SPICE1: variants seen among roughly 807,000 people sequenced by gnomAD.
SPICE1 encodes spindle and centriole-associated protein 1.
In SPICE1, 75 loss-of-function variants were observed where a neutral mutation model predicts 102.7. The observed-to-expected ratio is 0.73, with a 90% confidence interval of 0.61 to 0.88. The LOEUF (loss-of-function observed/expected upper bound fraction) is 0.88, where lower values mean the gene tolerates loss of function less well. Ranked by LOEUF, SPICE1 falls within the 40% of genes least tolerant of loss-of-function variation. The pLI, the probability that SPICE1 is intolerant of heterozygous loss-of-function variation, is 0.00. For synonymous variants in SPICE1, 308 were observed against 350.3 expected (o/e 0.88, Z 1.35); for missense variants, 979 against 1,020.1 (o/e 0.96, Z 0.55).
At chr3:113,490,420 T>C (rs923786040) in intron 6 of SPICE1, among the ~76,000 whole-genome samples, 2 of 151,998 alleles carry the variant, frequency 1.3e-5, no homozygotes, top group Non-Finnish European at 2.9e-5. Flanking sequence ...GGCAGGAGGA[T>C]CATGTGAGCC....
In SPICE1 at chr3:113,450,500, T is replaced by C. The variant is rs756298336; in HGVS notation, c.2159A>G (p.Gln720Arg). 1.0e-5 allele frequency: 16 copies of C among 1,600,048 alleles called. No homozygotes were observed. The highest frequency in any genetic ancestry group is 2.7e-5 in the African/African-American group (2 of 73,848). The change falls in exon 15 of 18, where the codon CAG (glutamine) becomes CGG (arginine). Residue 720 changes from glutamine (Q) to arginine (R), a missense_variant. Transcript: ENST00000295872. ...CTCCATACTACCTGGTGTTAGAGACTGTGCTACTGGAAAAGTCTTTGGGAG... is the reference window on the plus strand; with the variant it reads ...CTCCATACTACCTGGTGTTAGAGACCGTGCTACTGGAAAAGTCTTTGGGAG... ...SDMTSTFPVA[Q>R]SLTPGSMEER...
rs1030862291 is a variant in SPICE1, at chr3:113,458,281, T to C, written c.1436-924A>G. ...ATGCCCAGCCGAGGCTGGACTGTAC[T>C]GCCGCCATCTCGACTCACTGCAACC... is the stretch of plus-strand genomic sequence containing the variant. On this transcript the variant is annotated intron_variant, in intron 12 of 17. Coordinates refer to ENST00000295872, the MANE Select transcript of SPICE1 (RefSeq NM_144718.4). Among the ~76,000 whole-genome samples the C allele has an allele frequency of 5.3e-5, 8 of 152,268 alleles. 1 individual carries two copies. Among genetic ancestry groups the C allele is most frequent in the Admixed American group, 4.6e-4 (7 of 15,298 alleles).
rs529235139 is a variant in SPICE1 at position 113,475,339 on chromosome 3, A to G, written c.612-6101T>C. Among the ~76,000 whole-genome samples, 53 of 152,284 alleles carry G rather than the reference A, an allele frequency of 3.5e-4. No individual in the cohort carries two copies. In the South Asian group the frequency reaches 6.4e-3, roughly 19 times the overall value. On this transcript the variant is annotated intron_variant, in intron 7 of 17. Coordinates refer to ENST00000295872, the MANE Select transcript of SPICE1 (RefSeq NM_144718.4). ...TCAAGGACCAGATGGATTCACAGCC[A>G]AATTCTACCAGAGGTACAAGGAGGA...
intron 4 of SPICE1, among the ~76,000 whole-genome samples, chr3:113,494,379 GGCTCAC>G (rs1936831414): frequency 6.6e-6 from 1 of 152,158 alleles, no homozygotes; most frequent in African/African-American, 2.4e-5. Context: ...CGGGCGCGGT[GGCTCAC>G]GCCTGTAATC....
At chr3:113,460,262 C>G (rs1482229789) in intron 12 of SPICE1, 22 of 980,632 alleles carry the variant, frequency 2.2e-5, no homozygotes, top group Non-Finnish European at 2.5e-5. Flanking sequence ...CTAGCACTCT[C>G]TTTGGTCTAG....
intron 7 of SPICE1, among the ~76,000 whole-genome samples, chr3:113,485,674 G>A (rs531553666): frequency 1.6e-4 from 24 of 152,238 alleles, no homozygotes; most frequent in African/African-American, 5.8e-4. Context: ...AAACATCTAT[G>A]CCTGACGGCT....
intron 1 of SPICE1, among the ~76,000 whole-genome samples, chr3:113,510,691 C>G (rs1937203524): frequency 6.6e-6 from 1 of 152,160 alleles, no homozygotes; most frequent in Non-Finnish European, 1.5e-5. Flanking sequence ...CAATACCATT[C>G]AGCACATACA....
At chr3:113,467,581 G>A (rs958542129) in intron 10 of SPICE1, among the ~76,000 whole-genome samples, 12 of 152,192 alleles carry the variant, frequency 7.9e-5, no homozygotes, top group South Asian at 2.1e-4. Flanking sequence ...GGTTATAGGC[G>A]TGAGCCACCA....
chr3:113,501,951 T>C (rs964766270), intron 3 of SPICE1, among the ~76,000 whole-genome samples: 1 of 152,178 alleles, frequency 6.6e-6, no homozygotes, highest in Non-Finnish European at 1.5e-5. Context: ...AACTTGTACA[T>C]GAATGTTCAC....
intron 7 of SPICE1, among the ~76,000 whole-genome samples, chr3:113,484,675 T>A (rs1240252740): frequency 6.9e-6 from 1 of 144,524 alleles, no homozygotes; most frequent in Admixed American, 6.7e-5. Context: ...AGTTTCCACG[T>A]AGTTGTGCGG....
At chr3:113,507,530 A>T (rs571698381) in intron 1 of SPICE1, among the ~76,000 whole-genome samples, 1 of 152,256 alleles carries the variant, frequency 6.6e-6, no homozygotes, top group Admixed American at 6.5e-5. Flanking sequence ...AAATGTCTAA[A>T]TACAAGTATT....
intron 7 of SPICE1, among the ~76,000 whole-genome samples, chr3:113,488,660 C>G (rs2107490114): frequency 6.6e-6 from 1 of 152,250 alleles, no homozygotes; most frequent in East Asian, 1.9e-4. Context: ...ATGTATATTA[C>G]TCAGGCGACT....
At chr3:113,492,297 G>C (rs527572801) in intron 6 of SPICE1, among the ~76,000 whole-genome samples, 2 of 152,178 alleles carry the variant, frequency 1.3e-5, no homozygotes, top group East Asian at 3.9e-4. Flanking sequence ...AACTCCCTAG[G>C]AATATCCCTC....
chr3:113,459,451 C>A lies in SPICE1; in HGVS notation c.1435+1166G>T, dbSNP rs534713169. Reference sequence around the variant, plus strand: ...AAATTAAAAACAAAACAAAACAAAACAAAACAAAAAAAAACAATAATTCTA... The same window carrying A: ...AAATTAAAAACAAAACAAAACAAAAAAAAACAAAAAAAAACAATAATTCTA... On this transcript the variant is annotated intron_variant, in intron 12 of 17. Transcript: ENST00000295872. 6.6e-5 allele frequency: 64 copies of A among 965,888 alleles called. No individual in the cohort carries two copies. The Admixed American group carries it at 1.6e-3, about 24-fold the overall frequency. 59.8% of individuals were successfully genotyped at this position (965,888 alleles called of 1,614,324 possible). A position where few individuals can be genotyped will look rare whatever the true frequency, so the allele number is the denominator to read the frequency against.
chr3:113,443,355 C>T lies in SPICE1; in HGVS notation c.*1952G>A, dbSNP rs572083195. The T allele has an allele frequency of 7.2e-5, 11 of 152,296 alleles. No individual in the cohort carries two copies. Among genetic ancestry groups the T allele is most frequent in the South Asian group, 4.1e-4 (2 of 4,828 alleles). 9.4% of individuals were successfully genotyped at this position (152,296 alleles called of 1,614,324 possible). ...TTAGCTACTGTACTGTATTAGTTCC[C>T]GTAAATTAGGAGAAATCCAGTAACT... On this transcript the variant is annotated 3_prime_UTR_variant, in exon 18 of 18. Transcript: ENST00000295872.
In SPICE1 at chr3:113,482,155, G is replaced by A. The variant is rs139580306; in HGVS notation, c.611+6790C>T. 8.9e-3 allele frequency among the ~76,000 whole-genome samples: 1,353 copies of A among 152,276 alleles called. 23 individuals are homozygous for A. Among genetic ancestry groups the A allele is most frequent in the African/African-American group, 0.031 (1,290 of 41,556 alleles). On this transcript the variant is annotated intron_variant, in intron 7 of 17. Coordinates refer to ENST00000295872, the MANE Select transcript of SPICE1 (RefSeq NM_144718.4). ...ATTGTGGTTTTGATTTGCATTCTCTGATGACCAGTGATGATGAGCTTTTTT... is the reference window on the plus strand; with the variant it reads ...ATTGTGGTTTTGATTTGCATTCTCTAATGACCAGTGATGATGAGCTTTTTT...
At chr3:113,482,241 C>A (rs1204863261) in intron 7 of SPICE1, among the ~76,000 whole-genome samples, 1 of 152,150 alleles carries the variant, frequency 6.6e-6, no homozygotes, top group African/African-American at 2.4e-5. Flanking sequence ...TATCCTCCAC[C>A]TACTTTTTGA....
At chr3:113,496,671 G>A (rs1282342262) in intron 4 of SPICE1, among the ~76,000 whole-genome samples, 3 of 152,174 alleles carry the variant, frequency 2.0e-5, no homozygotes, top group Non-Finnish European at 1.5e-5. Context: ...CTTAATTTAT[G>A]TTAATCTGGG....
chr3:113,501,572 C>T (rs1454932547), intron 3 of SPICE1, among the ~76,000 whole-genome samples: 4 of 152,040 alleles, frequency 2.6e-5, no homozygotes, highest in Non-Finnish European at 4.4e-5. Context: ...ACAATAAAAG[C>T]ACAAATAATC....
Sources: gnomAD v4.1 joint callset for allele counts (sites outside exome capture counted in the v4.1 genomes callset) on GRCh38, gnomAD v4.1.1 for gene constraint, MANE v1.5 for transcripts, NCBI Gene and HGNC (gene_info 2026-07-23, HGNC 2026-07-21) for gene names.